Variants in SLC25A13 observed in about 807,000 individuals in gnomAD.
SLC25A13 encodes electrogenic aspartate/glutamate antiporter SLC25A13, mitochondrial.
SLC25A13 carries 70 observed loss-of-function variants against 85.5 expected under a neutral mutation model. The ratio of observed to expected loss-of-function variants is 0.82; its 90% CI spans 0.68 to 1.00. The LOEUF (loss-of-function observed/expected upper bound fraction) is 1.00. SLC25A13 is among the 50% of genes least tolerant of loss of function. The pLI is 0.00. For missense variants in SLC25A13, 765 were observed against 819.8 expected, an observed-to-expected ratio of 0.93 and a Z score of 0.82; for synonymous variants, 259 against 288.7, an observed-to-expected ratio of 0.90 and a Z score of 1.04.
chr7:96,172,551 T>C (rs1794046890), intron 11 of SLC25A13, among the ~76,000 whole-genome samples: 1 of 150,736 alleles, frequency 6.6e-6, no homozygotes, highest in South Asian at 2.1e-4. Context: ...AGCGAGACTC[T>C]GCCTCAAAAA....
intron 4 of SLC25A13, among the ~76,000 whole-genome samples, chr7:96,210,061 C>G (rs1795630419): frequency 6.6e-6 from 1 of 152,128 alleles, no homozygotes; most frequent in Non-Finnish European, 1.5e-5. Flanking sequence ...ATTTCCTGCT[C>G]CCACCCCCAT....
chr7:96,272,131 G>A (rs534753207), intron 3 of SLC25A13, among the ~76,000 whole-genome samples: 20 of 152,158 alleles, frequency 1.3e-4, no homozygotes, highest in African/African-American at 4.1e-4. Flanking sequence ...CAGGTGATCC[G>A]CCTGCCTCGG....
intron 1 of SLC25A13, among the ~76,000 whole-genome samples, chr7:96,298,235 C>A (rs866034509): frequency 3.3e-5 from 5 of 152,116 alleles, no homozygotes; most frequent in African/African-American, 4.8e-5. Context: ...ACAATGAGTT[C>A]TCTGTCTCTA....
At chr7:96,166,195 A>C (rs1226442786) in intron 13 of SLC25A13, among the ~76,000 whole-genome samples, 1 of 152,210 alleles carries the variant, frequency 6.6e-6, no homozygotes, top group Non-Finnish European at 1.5e-5. Flanking sequence ...ACTTCTATAA[A>C]CACCAATTAT....
At chr7:96,275,801 G>T (rs1277672119) in intron 3 of SLC25A13, among the ~76,000 whole-genome samples, 2 of 152,096 alleles carry the variant, frequency 1.3e-5, no homozygotes, top group African/African-American at 4.8e-5. Context: ...ACGAGTTGAC[G>T]GGTGCAGCAC....
intron 13 of SLC25A13, among the ~76,000 whole-genome samples, chr7:96,158,061 T>C (rs1793356973): frequency 6.6e-6 from 1 of 152,220 alleles, no homozygotes; most frequent in African/African-American, 2.4e-5. Context: ...GTAGCCTAAA[T>C]ACATTATCTA....
At chr7:96,247,038 A>G (rs1797217201) in intron 3 of SLC25A13, among the ~76,000 whole-genome samples, 1 of 152,236 alleles carries the variant, frequency 6.6e-6, no homozygotes, top group Non-Finnish European at 1.5e-5. Flanking sequence ...TGACCATACA[A>G]TACAGTAACT....
At chr7:96,292,210 C>T (rs1388097521) in intron 2 of SLC25A13, among the ~76,000 whole-genome samples, 1 of 152,080 alleles carries the variant, frequency 6.6e-6, no homozygotes, top group African/African-American at 2.4e-5. Context: ...GCAGAAAAGG[C>T]CTTTGATAAA....
At chr7:96,263,274 G>C (rs1224066653) in intron 3 of SLC25A13, among the ~76,000 whole-genome samples, 1 of 152,074 alleles carries the variant, frequency 6.6e-6, no homozygotes, top group Non-Finnish European at 1.5e-5. Flanking sequence ...TCTAATCCCT[G>C]AGAGGCCCTG....
At chr7:96,208,774 G>A (rs1795564356) in intron 5 of SLC25A13, 64 bp downstream of exon 5, 6 of 1,596,506 alleles carry the variant, frequency 3.8e-6, no homozygotes, top group Non-Finnish European at 4.3e-6. Context: ...CAAAGTGCTA[G>A]GATTATAGGT....
In SLC25A13 at chr7:96,121,941, C is replaced by T. The variant is rs1279345818; in HGVS notation, c.1648G>A (p.Val550Met). Residue 550 changes from valine (V) to methionine (M), a missense_variant, in exon 16 of 18, where the codon GTG (valine) becomes ATG (methionine). Physicochemically the swap from Val to Met is conservative, Grantham distance 21 (BLOSUM62 1). Transcript: ENST00000265631. ...PADVIKTRLQVAARAGQTTYS... is the reference protein window; with the variant it reads ...PADVIKTRLQMAARAGQTTYS... ...GTGGTTTGGCCAGCCCGGGCAGCCA[C>T]CTGTAATCTCGTCTTGATAACATCA... 1 of 1,614,168 alleles carries T rather than the reference C, an allele frequency of 6.2e-7. No individual in the cohort carries two copies. Among genetic ancestry groups the T allele is most frequent in the Admixed American group, 1.7e-5 (1 of 60,016 alleles).
intron 1 of SLC25A13, among the ~76,000 whole-genome samples, chr7:96,316,665 A>T (rs528790239): frequency 2.0e-5 from 3 of 152,366 alleles, no homozygotes; most frequent in South Asian, 2.1e-4. Context: ...TTGAAGTCAA[A>T]AACAGAAAGC....
At chr7:96,249,479 C>A (rs1797329936) in intron 3 of SLC25A13, among the ~76,000 whole-genome samples, 1 of 152,068 alleles carries the variant, frequency 6.6e-6, no homozygotes. Context: ...CTGTTTGAGC[C>A]CATTCTATTT....
rs376129902 is a variant in SLC25A13, at chr7:96,246,559, T to A, written c.213-11642A>T. 3.5e-4 allele frequency among the ~76,000 whole-genome samples: 54 copies of A among 152,244 alleles called. No homozygotes were observed. In the South Asian group the frequency reaches 9.7e-3, roughly 27 times the overall value. ...TCACTGTTAAAAAAATAAAAATACATCAGCAGTAAACTAAAATTTTTAAAA... is the reference window on the plus strand; with the variant it reads ...TCACTGTTAAAAAAATAAAAATACAACAGCAGTAAACTAAAATTTTTAAAA... On this transcript the variant is annotated intron_variant, in intron 3 of 17. Transcript: ENST00000265631.
intron 14 of SLC25A13, among the ~76,000 whole-genome samples, chr7:96,140,560 T>C (rs141158667): frequency 6.6e-6 from 1 of 151,160 alleles, no homozygotes; most frequent in South Asian, 2.1e-4. Flanking sequence ...ACGTCCACCA[T>C]ACCCGGCTAA....
chr7:96,191,296 T>G, intron 6 of SLC25A13, 49 bp from the exon 7 acceptor site: 1 of 1,598,246 alleles, frequency 6.3e-7, no homozygotes, highest in Non-Finnish European at 8.6e-7. Context: ...AAAAGATTTA[T>G]AGATGATTCA....
intron 13 of SLC25A13, among the ~76,000 whole-genome samples, chr7:96,152,806 C>G (rs1213757074): frequency 1.3e-5 from 2 of 152,124 alleles, no homozygotes; most frequent in Non-Finnish European, 2.9e-5. Context: ...AAGAACAGGG[C>G]TTCCAGAAGT....
intron 11 of SLC25A13, among the ~76,000 whole-genome samples, chr7:96,176,659 C>A (rs1734771330): frequency 6.6e-6 from 1 of 152,194 alleles, no homozygotes; most frequent in Non-Finnish European, 1.5e-5. Flanking sequence ...GGGTCTCCAA[C>A]TCAAGCTTCA....
At chr7:96,238,231 G>C (rs1796816527) in intron 3 of SLC25A13, among the ~76,000 whole-genome samples, 1 of 151,990 alleles carries the variant, frequency 6.6e-6, no homozygotes, top group Non-Finnish European at 1.5e-5. Flanking sequence ...AGAGATCAGG[G>C]TGACGCTTCT....
Sources: allele counts gnomAD v4.1 joint callset (sites outside exome capture counted in the v4.1 genomes callset), GRCh38; gene constraint gnomAD v4.1.1; transcripts MANE v1.5; gene names NCBI Gene and HGNC (gene_info 2026-07-23, HGNC 2026-07-21).